CHRM3: variants seen among roughly 807,000 people sequenced by gnomAD.
CHRM3 encodes muscarinic acetylcholine receptor M3.
CHRM3 carries 11 observed loss-of-function variants against 41.8 expected under a neutral mutation model. The ratio of observed to expected loss-of-function variants is 0.26; its 90% CI spans 0.17 to 0.44. The LOEUF (loss-of-function observed/expected upper bound fraction) is 0.44. CHRM3 is among the 20% of genes least tolerant of loss of function. CHRM3 has a pLI of 1.00. For synonymous variants in CHRM3, 297 were observed against 301.4 expected, an observed-to-expected ratio of 0.99 and a Z score of 0.15; for missense variants, 571 against 745.4, an observed-to-expected ratio of 0.77 and a Z score of 2.72.
At chr1:239,826,151 G>A (rs1672441888) in intron 5 of CHRM3, among the ~76,000 whole-genome samples, 1 of 152,064 alleles carries the variant, frequency 6.6e-6, no homozygotes, top group Non-Finnish European at 1.5e-5. Context: ...TATTCTTAAT[G>A]CCACTGAATT....
intron 3 of CHRM3, among the ~76,000 whole-genome samples, chr1:239,563,680 G>C (rs1661093726): frequency 6.6e-6 from 1 of 152,158 alleles, no homozygotes; most frequent in African/African-American, 2.4e-5. Context: ...AAGAGATGTG[G>C]ATGTAATGAA....
At chr1:239,551,814 A>G (rs1431706921) in intron 3 of CHRM3, among the ~76,000 whole-genome samples, 1 of 152,208 alleles carries the variant, frequency 6.6e-6, no homozygotes, top group African/African-American at 2.4e-5. Flanking sequence ...CAGATTTCAC[A>G]GATGGCTGTA....
intron 1 of CHRM3, among the ~76,000 whole-genome samples, chr1:239,407,274 C>T (rs1473913646): frequency 6.6e-6 from 1 of 152,074 alleles, no homozygotes; most frequent in Non-Finnish European, 1.5e-5. Flanking sequence ...TTTCATCATT[C>T]ACCATCTTCT....
intron 5 of CHRM3, among the ~76,000 whole-genome samples, chr1:239,773,530 A>G (rs1245438724): frequency 6.6e-6 from 1 of 152,154 alleles, no homozygotes; most frequent in Non-Finnish European, 1.5e-5. Flanking sequence ...ATTGCTTTGT[A>G]TAACAGTTGC....
chr1:239,902,948 T>C (rs1042312932), intron 6 of CHRM3, among the ~76,000 whole-genome samples: 2 of 152,154 alleles, frequency 1.3e-5, no homozygotes, highest in East Asian at 3.9e-4. Flanking sequence ...GAAAAGCACA[T>C]CTCTGAGAAT....
chr1:239,862,857 C>T (rs1675751481), intron 6 of CHRM3, among the ~76,000 whole-genome samples: 1 of 152,150 alleles, frequency 6.6e-6, no homozygotes, highest in Admixed American at 6.5e-5. Flanking sequence ...AATCAAAGAA[C>T]ACTTTAGAGA....
chr1:239,793,650 A>G (rs905011894), intron 5 of CHRM3, among the ~76,000 whole-genome samples: 1 of 152,078 alleles, frequency 6.6e-6, no homozygotes, highest in Non-Finnish European at 1.5e-5. Flanking sequence ...TAAGCATGAA[A>G]ACATTTCACC....
chr1:239,701,610 C>T (rs1438209273), intron 5 of CHRM3, among the ~76,000 whole-genome samples: 1 of 152,194 alleles, frequency 6.6e-6, no homozygotes, highest in Admixed American at 6.5e-5. Context: ...TCTCATCCAT[C>T]CTGCATAACA....
intron 1 of CHRM3, among the ~76,000 whole-genome samples, chr1:239,453,011 A>G (rs1664670417): frequency 6.6e-6 from 1 of 152,140 alleles, no homozygotes; most frequent in South Asian, 2.1e-4. Context: ...TGTGTTAGCC[A>G]GGATGGTCTG....
chr1:239,391,717 C>A (rs1012987194), intron 1 of CHRM3, among the ~76,000 whole-genome samples: 2 of 152,206 alleles, frequency 1.3e-5, no homozygotes, highest in Admixed American at 6.5e-5. Flanking sequence ...GCCAGCTTCT[C>A]ACCAATTGTG....
chr1:239,602,084 A>G (rs1357616988), intron 3 of CHRM3, among the ~76,000 whole-genome samples: 2 of 42,992 alleles, frequency 4.7e-5, no homozygotes, highest in Admixed American at 3.9e-4. Context: ...ACACATACAT[A>G]TATACATGTG....
intron 6 of CHRM3, chr1:239,886,223 G>A (rs1678054828): frequency 6.6e-6 from 1 of 152,136 alleles, no homozygotes; most frequent in African/African-American, 2.4e-5. Flanking sequence ...AAACAACAGA[G>A]GAAAGTATTG....
At chr1:239,734,161 T>C (rs1664207509) in intron 5 of CHRM3, among the ~76,000 whole-genome samples, 1 of 152,076 alleles carries the variant, frequency 6.6e-6, no homozygotes, top group South Asian at 2.1e-4. Context: ...CATTCACATG[T>C]AGCTTTTTAA....
chr1:239,547,907 A>T (rs1338230957), intron 3 of CHRM3, among the ~76,000 whole-genome samples: 1 of 152,208 alleles, frequency 6.6e-6, no homozygotes, highest in Non-Finnish European at 1.5e-5. Flanking sequence ...TATTAGGCCG[A>T]TCAAGGAATA....
chr1:239,793,364 G>A (rs1461150562), intron 5 of CHRM3, among the ~76,000 whole-genome samples: 1 of 152,178 alleles, frequency 6.6e-6, no homozygotes, highest in Non-Finnish European at 1.5e-5. Context: ...GAGGGTCTCA[G>A]CAAGACCAGT....
intron 1 of CHRM3, among the ~76,000 whole-genome samples, chr1:239,454,680 G>C (rs551094666): frequency 6.6e-6 from 1 of 152,246 alleles, no homozygotes; most frequent in Admixed American, 6.5e-5. Flanking sequence ...AGTCATCTCA[G>C]CATACAAAAA....
intron 2 of CHRM3, among the ~76,000 whole-genome samples, chr1:239,534,629 T>C (rs1436146128): frequency 6.6e-6 from 1 of 152,238 alleles, no homozygotes; most frequent in African/African-American, 2.4e-5. Context: ...GACAAGTTGT[T>C]GCATGGTGCA....
chr1:239,592,616 G>A (rs923607836), intron 3 of CHRM3, among the ~76,000 whole-genome samples: 1 of 151,968 alleles, frequency 6.6e-6, no homozygotes, highest in Non-Finnish European at 1.5e-5. Context: ...TCCTGTTGTA[G>A]CATATATCAG....
intron 6 of CHRM3, among the ~76,000 whole-genome samples, chr1:239,852,204 G>T (rs1456201325): frequency 6.6e-6 from 1 of 152,044 alleles, no homozygotes; most frequent in African/African-American, 2.4e-5. Flanking sequence ...AAAATATTTT[G>T]GGAAAGGATT....
Sources: allele counts gnomAD v4.1 joint callset (sites outside exome capture counted in the v4.1 genomes callset), GRCh38; gene constraint gnomAD v4.1.1; transcripts MANE v1.5; gene names NCBI Gene and HGNC (gene_info 2026-07-23, HGNC 2026-07-21).